NTRK3: variants seen among roughly 807,000 people sequenced by gnomAD.
NTRK3 encodes the protein NT-3 growth factor receptor.
In NTRK3, 24 loss-of-function variants were observed where a neutral mutation model predicts 91.7. The observed-to-expected ratio is 0.26, with a 90% CI of 0.19 to 0.37. NTRK3 has a LOEUF of 0.37. NTRK3 is among the 10% of genes least tolerant of loss of function. The probability of loss-of-function intolerance (pLI) is 1.00; values close to 1 mark genes in which losing one functional copy is unlikely to be tolerated. For synonymous variants in NTRK3, 483 were observed against 404.0 expected, an observed-to-expected ratio of 1.20 and a Z score of -2.34; for missense variants, 880 against 1,068.9, an observed-to-expected ratio of 0.82 and a Z score of 2.46.
intron 17 of NTRK3, among the ~76,000 whole-genome samples, chr15:87,918,039 GC>G: frequency 6.7e-6 from 1 of 150,200 alleles, no homozygotes; most frequent in Non-Finnish European, 1.5e-5. Flanking sequence ...TTTCATAGTT[GC>G]CCCTTACAAA....
intron 13 of NTRK3, among the ~76,000 whole-genome samples, chr15:88,093,649 T>C (rs916246377): frequency 6.6e-5 from 10 of 152,164 alleles, no homozygotes; most frequent in Admixed American, 6.5e-4. Context: ...ATGAAGAACA[T>C]GTGGTCTGAT....
chr15:87,883,452 C>T (rs542899892), intron 17 of NTRK3, among the ~76,000 whole-genome samples: 1 of 149,488 alleles, frequency 6.7e-6, no homozygotes, highest in Admixed American at 6.7e-5. Flanking sequence ...TAAAAGAAAA[C>T]TGACAAAGCT....
chr15:88,012,238 G>C (rs1465408548), intron 14 of NTRK3, among the ~76,000 whole-genome samples: 1 of 152,218 alleles, frequency 6.6e-6, no homozygotes, highest in Non-Finnish European at 1.5e-5. Context: ...TGATATTTCA[G>C]TGCAGCCATT....
intron 14 of NTRK3, among the ~76,000 whole-genome samples, chr15:87,955,466 C>T (rs925236559): frequency 6.6e-6 from 1 of 152,216 alleles, no homozygotes; most frequent in Non-Finnish European, 1.5e-5. Flanking sequence ...ACCTGGAGGG[C>T]AGCCGACAAC....
chr15:88,080,998 T>G (rs988438271), intron 13 of NTRK3, among the ~76,000 whole-genome samples: 2 of 152,262 alleles, frequency 1.3e-5, no homozygotes, highest in African/African-American at 4.8e-5. Context: ...TCAGTTCCCC[T>G]GTCCTTGCAC....
chr15:88,083,094 CTT>C (rs1041878139), intron 13 of NTRK3, among the ~76,000 whole-genome samples: 1 of 152,206 alleles, frequency 6.6e-6, no homozygotes, highest in African/African-American at 2.4e-5. Context: ...GACTAAAAGA[CTT>C]TGCAGCTCCC....
At chr15:88,103,223 TTTAAGTAAAGA>T (rs1249872871) in intron 13 of NTRK3, among the ~76,000 whole-genome samples, 1 of 152,124 alleles carries the variant, frequency 6.6e-6, no homozygotes, top group African/African-American at 2.4e-5. Flanking sequence ...ATCAGTTGGT[TTTAAGTAAAGA>T]TTACCTTGAT....
At position 88,061,112 on chromosome 15, in the gene NTRK3, G is replaced by A. The variant is rs112049034; in HGVS notation, c.1397-28067C>T. 3.0e-3 allele frequency among the ~76,000 whole-genome samples: 460 copies of A among 151,788 alleles called. 2 individuals carry two copies. Among genetic ancestry groups the A allele is most frequent in the African/African-American group, 0.011 (440 of 41,388 alleles). On this transcript the variant is annotated intron_variant, in intron 13 of 18. Coordinates refer to ENST00000394480, the Ensembl canonical transcript of NTRK3. ...TCAAAAAGAGACCCCCTTGTTGAGC[G>A]GCTTTCAAATCTGGCATCAGGTAAT...
intron 3 of NTRK3, chr15:88,253,487 G>C (rs1257467446): frequency 6.6e-6 from 1 of 152,316 alleles, no homozygotes; most frequent in Non-Finnish European, 1.5e-5. Flanking sequence ...GGGTAAGCGT[G>C]ACTCTCCGCC....
At chr15:88,094,116 G>A (rs1400327584) in intron 13 of NTRK3, among the ~76,000 whole-genome samples, 1 of 152,148 alleles carries the variant, frequency 6.6e-6, no homozygotes, top group African/African-American at 2.4e-5. Flanking sequence ...GCCAGTGGAA[G>A]GGGCTCTTCT....
intron 3 of NTRK3, among the ~76,000 whole-genome samples, chr15:88,202,009 T>TA (rs111722254): frequency 0.037 from 5,423 of 147,978 alleles, 301 homozygotes; most frequent in African/African-American, 0.12. Flanking sequence ...TCTGGATTCC[T>TA]AAAAAAAAAA....
At chr15:87,914,299 C>T (rs1408794126) in intron 17 of NTRK3, among the ~76,000 whole-genome samples, 1 of 152,102 alleles carries the variant, frequency 6.6e-6, no homozygotes, top group Non-Finnish European at 1.5e-5. Flanking sequence ...ATTGTGAGAC[C>T]TTCTCCAGTC....
At chr15:87,952,177 A>T (rs1350013665) in intron 14 of NTRK3, among the ~76,000 whole-genome samples, 1 of 151,854 alleles carries the variant, frequency 6.6e-6, no homozygotes, top group East Asian at 1.9e-4. Flanking sequence ...GAAAGAAAAG[A>T]AGGAGAAAGA....
chr15:88,167,785 T>C (rs1315655348), intron 5 of NTRK3, among the ~76,000 whole-genome samples: 1 of 152,084 alleles, frequency 6.6e-6, no homozygotes, highest in Non-Finnish European at 1.5e-5. Context: ...GGAGACCTAA[T>C]ACGTACCTGC....
intron 13 of NTRK3, among the ~76,000 whole-genome samples, chr15:88,122,928 G>A (rs1205121636): frequency 6.6e-6 from 1 of 152,208 alleles, no homozygotes; most frequent in Admixed American, 6.5e-5. Context: ...ATACTAGGCT[G>A]AGTGATCTGT....
chr15:87,892,164 A>G (rs2065889014), intron 17 of NTRK3, among the ~76,000 whole-genome samples: 1 of 151,642 alleles, frequency 6.6e-6, no homozygotes, highest in Admixed American at 6.6e-5. Context: ...CACCCATTCT[A>G]AATCTCAGGA....
At chr15:87,913,008 G>A (rs2067206588) in intron 17 of NTRK3, among the ~76,000 whole-genome samples, 1 of 137,732 alleles carries the variant, frequency 7.3e-6, no homozygotes, top group African/African-American at 2.6e-5. Context: ...GATAAAAGTT[G>A]GCTCAGAGAT....
chr15:88,000,506 T>G (rs2076027318), intron 14 of NTRK3, among the ~76,000 whole-genome samples: 1 of 152,200 alleles, frequency 6.6e-6, no homozygotes, highest in South Asian at 2.1e-4. Flanking sequence ...TAGCAGTTAT[T>G]CATCACCCTG....
chr15:88,141,267 A>G (rs1241160071), intron 6 of NTRK3, among the ~76,000 whole-genome samples: 1 of 152,216 alleles, frequency 6.6e-6, no homozygotes, highest in African/African-American at 2.4e-5. Context: ...GACGAACATA[A>G]TAGACATTAT....
Sources: allele counts gnomAD v4.1 joint callset (sites outside exome capture counted in the v4.1 genomes callset), GRCh38; gene constraint gnomAD v4.1.1; transcripts MANE v1.5; gene names NCBI Gene and HGNC (gene_info 2026-07-23, HGNC 2026-07-21).